Variants in SYT1 observed in about 807,000 individuals in gnomAD.
SYT1 encodes synaptotagmin-1.
SYT1 carries 8 observed loss-of-function variants against 44.8 expected under a neutral mutation model. That is an observed-to-expected ratio of 0.18 (90% confidence interval 0.10 to 0.32). The LOEUF is 0.32. Ranked by LOEUF, SYT1 falls within the 10% of genes least tolerant of loss-of-function variation. The pLI is 1.00. For missense variants in SYT1, 286 were observed against 509.3 expected (o/e 0.56, Z 4.22); for synonymous variants, 154 against 188.8 (o/e 0.82, Z 1.51).
chr12:78,978,654 G>T (rs909785336), intron 2 of SYT1, among the ~76,000 whole-genome samples: 5 of 152,126 alleles, frequency 3.3e-5, no homozygotes, highest in African/African-American at 1.2e-4. Context: ...TGAAGTAAAC[G>T]TGAGGTGATT....
chr12:78,899,448 A>G (rs540010664), intron 1 of SYT1, among the ~76,000 whole-genome samples: 2 of 152,004 alleles, frequency 1.3e-5, no homozygotes, highest in Non-Finnish European at 2.9e-5. Context: ...ATTTTTATTT[A>G]TATTTAAAAA....
chr12:78,957,190 C>T (rs1021786133), intron 1 of SYT1, among the ~76,000 whole-genome samples: 3 of 152,056 alleles, frequency 2.0e-5, no homozygotes, highest in African/African-American at 4.8e-5. Flanking sequence ...CACCTAAAAC[C>T]GGTCACAGTG....
rs193175285 is a variant in SYT1 at position 78,912,824 on chromosome 12, A to G, written c.-217+47715A>G. 7.2e-5 allele frequency among the ~76,000 whole-genome samples: 11 copies of G among 152,012 alleles called. No homozygotes were observed. In the East Asian group the frequency reaches 2.1e-3, roughly 29 times the overall value. On this transcript the variant is annotated intron_variant, in intron 1 of 10. Coordinates refer to ENST00000261205, the MANE Select transcript of SYT1 (RefSeq NM_005639.3). ...TGGGGTTGCCCTGTAACTCACCTCA[A>G]ATTATCACTGGGAATACCCACTTAG...
At chr12:79,095,366 T>C (rs1878056003) in intron 3 of SYT1, among the ~76,000 whole-genome samples, 1 of 151,962 alleles carries the variant, frequency 6.6e-6, no homozygotes, top group Admixed American at 6.6e-5. Context: ...TTTAACTTTG[T>C]TCTAAAACTG....
chr12:79,413,096 A>G (rs1237095841), intron 9 of SYT1, among the ~76,000 whole-genome samples: 1 of 152,226 alleles, frequency 6.6e-6, no homozygotes, highest in Non-Finnish European at 1.5e-5. Flanking sequence ...ATGCTAACTC[A>G]GAATGGCAAC....
chr12:79,316,569 G>T (rs1411355040), intron 8 of SYT1, among the ~76,000 whole-genome samples: 28 of 152,088 alleles, frequency 1.8e-4, no homozygotes, highest in Admixed American at 1.8e-3. Flanking sequence ...GTCTATACAG[G>T]AATGTGTTGT....
In SYT1 at chr12:79,397,315, G is replaced by A. The variant is rs141428566; in HGVS notation, c.928+43696G>A. Reference sequence around the variant, plus strand: ...CACAATCACGGCTCACTGCAGTCTCGATCTCCTGGGCTTAAGCAGTCCTCC... The same window carrying A: ...CACAATCACGGCTCACTGCAGTCTCAATCTCCTGGGCTTAAGCAGTCCTCC... On this transcript the variant is annotated intron_variant, in intron 9 of 10. Coordinates refer to ENST00000261205, the MANE Select transcript of SYT1 (RefSeq NM_005639.3). 1.7e-3 allele frequency among the ~76,000 whole-genome samples: 265 copies of A among 152,094 alleles called. 1 individual carries two copies. Among genetic ancestry groups the A allele is most frequent in the African/African-American group, 6.2e-3 (258 of 41,492 alleles).
At chr12:79,437,606 G>A (rs1008297668) in intron 9 of SYT1, among the ~76,000 whole-genome samples, 1 of 152,066 alleles carries the variant, frequency 6.6e-6, no homozygotes, top group Non-Finnish European at 1.5e-5. Flanking sequence ...CCCTATAATT[G>A]GAGAAAAATC....
intron 8 of SYT1, among the ~76,000 whole-genome samples, chr12:79,333,710 G>A (rs1012921770): frequency 6.6e-6 from 1 of 151,966 alleles, no homozygotes; most frequent in Non-Finnish European, 1.5e-5. Flanking sequence ...AAAAATATTG[G>A]CATCTTTCAT....
intron 3 of SYT1, among the ~76,000 whole-genome samples, chr12:79,074,666 A>G (rs1876514206): frequency 6.6e-6 from 1 of 152,042 alleles, no homozygotes; most frequent in South Asian, 2.1e-4. Flanking sequence ...TCAGACTCCT[A>G]TTCTTGACTT....
At chr12:79,343,544 G>C (rs371104296) in intron 8 of SYT1, among the ~76,000 whole-genome samples, 1 of 152,142 alleles carries the variant, frequency 6.6e-6, no homozygotes, top group Non-Finnish European at 1.5e-5. Context: ...AGCAGACTTG[G>C]GAATTGAACC....
intron 3 of SYT1, among the ~76,000 whole-genome samples, chr12:79,163,091 A>G (rs1452116398): frequency 6.6e-6 from 1 of 152,038 alleles, no homozygotes; most frequent in Non-Finnish European, 1.5e-5. Flanking sequence ...TAACCACAGC[A>G]TTATCTGTAT....
chr12:79,193,752 A>T (rs909468247), intron 3 of SYT1, among the ~76,000 whole-genome samples: 6 of 152,132 alleles, frequency 3.9e-5, no homozygotes, highest in Non-Finnish European at 8.8e-5. Flanking sequence ...CATGGCCAAA[A>T]TATCTTTTGT....
At chr12:79,338,529 T>G (rs1882193071) in intron 8 of SYT1, among the ~76,000 whole-genome samples, 1 of 151,812 alleles carries the variant, frequency 6.6e-6, no homozygotes, top group Non-Finnish European at 1.5e-5. Context: ...CACCCTGACC[T>G]CCCAACAAAC....
At chr12:79,120,949 A>C (rs768508158) in intron 3 of SYT1, among the ~76,000 whole-genome samples, 39 of 146,768 alleles carry the variant, frequency 2.7e-4, no homozygotes, top group Middle Eastern at 3.4e-3. Context: ...CTATATATAT[A>C]TATAGATATA....
intron 9 of SYT1, among the ~76,000 whole-genome samples, chr12:79,379,940 C>T (rs1179645517): frequency 1.3e-5 from 2 of 152,126 alleles, no homozygotes; most frequent in Non-Finnish European, 2.9e-5. Flanking sequence ...GAAGGTTACA[C>T]CCGAGAGCAA....
chr12:79,256,467 C>G (rs976163818), intron 4 of SYT1, among the ~76,000 whole-genome samples: 1 of 152,122 alleles, frequency 6.6e-6, no homozygotes, highest in Admixed American at 6.6e-5. Context: ...ATTATCAAAC[C>G]ATTACCTTAT....
At chr12:79,059,242 A>G (rs1426932549) in intron 3 of SYT1, among the ~76,000 whole-genome samples, 3 of 152,082 alleles carry the variant, frequency 2.0e-5, no homozygotes, top group African/African-American at 4.8e-5. Context: ...CTCTCCCACA[A>G]CAGGTGGGAA....
chr12:78,911,214 T>C (rs1390316100), intron 1 of SYT1, among the ~76,000 whole-genome samples: 3 of 151,996 alleles, frequency 2.0e-5, no homozygotes, highest in Non-Finnish European at 4.4e-5. Flanking sequence ...GTGTTATTCA[T>C]TGAGATAGAA....
Sources: allele counts gnomAD v4.1 joint callset (sites outside exome capture counted in the v4.1 genomes callset), GRCh38; gene constraint gnomAD v4.1.1; transcripts MANE v1.5; gene names NCBI Gene and HGNC (gene_info 2026-07-23, HGNC 2026-07-21).